KCNU1: variants seen among roughly 807,000 people sequenced by gnomAD.
KCNU1 encodes the protein potassium calcium-activated channel subfamily U member 1.
A neutral mutation model predicts 126.8 loss-of-function variants in KCNU1; 93 were observed. The observed-to-expected ratio is 0.73, with a 90% CI of 0.62 to 0.87. The LOEUF (loss-of-function observed/expected upper bound fraction) is 0.87. Ranked by LOEUF, KCNU1 falls within the 40% of genes least tolerant of loss-of-function variation. The probability of loss-of-function intolerance (pLI) is 0.00; values close to 1 mark genes in which losing one functional copy is unlikely to be tolerated. For synonymous variants in KCNU1, 523 were observed against 494.2 expected, an observed-to-expected ratio of 1.06 and a Z score of -0.77; for missense variants, 1,330 against 1,367.1, an observed-to-expected ratio of 0.97 and a Z score of 0.43.
chr8:36,791,242 T>A (rs1292874426), intron 2 of KCNU1, among the ~76,000 whole-genome samples: 1 of 152,188 alleles, frequency 6.6e-6, no homozygotes, highest in Non-Finnish European at 1.5e-5. Flanking sequence ...AAAAATTTTC[T>A]TCTAAATTTA....
intron 10 of KCNU1, among the ~76,000 whole-genome samples, chr8:36,826,619 C>G (rs1302537566): frequency 1.3e-5 from 2 of 152,134 alleles, no homozygotes; most frequent in Non-Finnish European, 2.9e-5. Flanking sequence ...AACCTTAGCT[C>G]TTTTTATGTG....
intron 26 of KCNU1, among the ~76,000 whole-genome samples, chr8:36,933,613 C>T (rs767414564): frequency 2.0e-5 from 3 of 151,892 alleles, no homozygotes; most frequent in Non-Finnish European, 4.4e-5. Context: ...AGACTAAGAT[C>T]CTCACAGTGG....
intron 22 of KCNU1, among the ~76,000 whole-genome samples, chr8:36,911,491 C>T (rs1326188448): frequency 2.0e-5 from 3 of 152,136 alleles, no homozygotes; most frequent in Non-Finnish European, 2.9e-5. Flanking sequence ...ATGAAATTCT[C>T]ATTGGATCTT....
chr8:36,815,771 TTAGCTG>T (rs1803888166), intron 9 of KCNU1, 84 bp downstream of exon 9: 1 of 781,784 alleles, frequency 1.3e-6, no homozygotes, highest in Admixed American at 2.9e-5. Context: ...ATTGTCTGGC[TTAGCTG>T]TAGAACCCAA....
intron 22 of KCNU1, among the ~76,000 whole-genome samples, chr8:36,918,369 C>T (rs1348783065): frequency 1.3e-5 from 2 of 151,868 alleles, no homozygotes; most frequent in Non-Finnish European, 2.9e-5. Context: ...TAGCAAGACC[C>T]CATCTCTGCA....
intron 12 of KCNU1, 41 bp downstream of exon 12, chr8:36,834,909 T>C (rs767528906): frequency 7.4e-7 from 1 of 1,343,094 alleles, no homozygotes; most frequent in Non-Finnish European, 1.1e-6. Flanking sequence ...ATTATTTTTT[T>C]CTATCTCTTT....
chr8:36,895,847 C>T (rs986144908), intron 19 of KCNU1, among the ~76,000 whole-genome samples: 3 of 151,968 alleles, frequency 2.0e-5, no homozygotes, highest in Non-Finnish European at 4.4e-5. Context: ...TAATGACATA[C>T]TAAAAGGCAA....
Position 36,882,054 on chromosome 8 carries a change from C to T in KCNU1, c.2009+17533C>T, listed in dbSNP as rs1806504290. ...TACCTTACTAGGAGCGATTTGCAGA[C>T]AGTCATCTACAGCCTCTCCAAAAAG... On this transcript the variant is annotated intron_variant, in intron 19 of 26. Coordinates refer to ENST00000399881, the MANE Select transcript of KCNU1 (RefSeq NM_001031836.3). Among the ~76,000 whole-genome samples, 4 of 152,212 alleles carry T rather than the reference C, an allele frequency of 2.6e-5. No individual in the cohort carries two copies. In the South Asian group the frequency reaches 8.3e-4, roughly 31 times the overall value.
chr8:36,876,202 T>C (rs537150541), intron 19 of KCNU1, among the ~76,000 whole-genome samples: 1 of 152,274 alleles, frequency 6.6e-6, no homozygotes, highest in East Asian at 1.9e-4. Context: ...GGACAAGTTC[T>C]GAGCTGAGCA....
chr8:36,839,065 T>G (rs2130569428), intron 14 of KCNU1, among the ~76,000 whole-genome samples: 1 of 152,340 alleles, frequency 6.6e-6, no homozygotes, highest in South Asian at 2.1e-4. Context: ...ATCTCATAAC[T>G]GGCTTTTTCC....
At chr8:36,868,019 G>T (rs1002511134) in intron 19 of KCNU1, among the ~76,000 whole-genome samples, 4 of 152,128 alleles carry the variant, frequency 2.6e-5, no homozygotes, top group African/African-American at 9.7e-5. Context: ...AATCAAGGTA[G>T]GTTTGCATGA....
intron 19 of KCNU1, among the ~76,000 whole-genome samples, chr8:36,875,561 T>A (rs1362943953): frequency 6.6e-6 from 1 of 151,880 alleles, no homozygotes; most frequent in African/African-American, 2.4e-5. Context: ...GGCCTTTTAA[T>A]CCAGTGATAG....
At chr8:36,905,652 T>G in intron 19 of KCNU1, 56 bp from the exon 20 acceptor site, 1 of 935,224 alleles carries the variant, frequency 1.1e-6, no homozygotes, top group South Asian at 1.3e-5. Context: ...CATCTCGGCT[T>G]TGTTACAGAG....
intron 22 of KCNU1, among the ~76,000 whole-genome samples, chr8:36,914,393 A>G (rs1168750647): frequency 2.0e-5 from 3 of 152,208 alleles, no homozygotes; most frequent in South Asian, 4.1e-4. Context: ...ACGTCTTTCA[A>G]TACACAGGAC....
At chr8:36,883,313 CTG>C (rs1450838574) in intron 19 of KCNU1, among the ~76,000 whole-genome samples, 3 of 152,194 alleles carry the variant, frequency 2.0e-5, no homozygotes, top group African/African-American at 7.2e-5. Context: ...CACTTAGTAA[CTG>C]GCAGTCATAT....
intron 19 of KCNU1, among the ~76,000 whole-genome samples, chr8:36,869,797 T>C (rs1806036840): frequency 6.6e-6 from 1 of 152,206 alleles, no homozygotes; most frequent in African/African-American, 2.4e-5. Context: ...CATGCTGTTG[T>C]TGTCATTGTA....
At chr8:36,935,469 T>C (rs1474653490) in intron 26 of KCNU1, 46 bp from the exon 27 acceptor site, 1 of 1,503,156 alleles carries the variant, frequency 6.7e-7, no homozygotes, top group Non-Finnish European at 9.0e-7. Flanking sequence ...GTTGCCACAC[T>C]GGCCAGCTGC....
At chr8:36,803,873 C>G (rs1206587053) in intron 2 of KCNU1, among the ~76,000 whole-genome samples, 154 bp from the exon 3 acceptor site, 1 of 151,874 alleles carries the variant, frequency 6.6e-6, no homozygotes, top group Non-Finnish European at 1.5e-5. Context: ...AATCGATAAA[C>G]AGATGAATGA....
At position 36,845,808 on chromosome 8, in the gene KCNU1, G is replaced by T. The variant is rs1440035212; in HGVS notation, c.1800G>T (p.Leu600Phe). 1 of 1,607,230 alleles carries T rather than the reference G, an allele frequency of 6.2e-7. No individual in the cohort carries two copies. The highest frequency in any genetic ancestry group is 8.5e-7 in the Non-Finnish European group (1 of 1,174,930). Residue 600 changes from leucine (L) to phenylalanine (F), a missense_variant, in exon 18 of 27, where the codon TTG (leucine) becomes TTT (phenylalanine). Physicochemically the swap from Leu to Phe is conservative, Grantham distance 22 (BLOSUM62 0). This residue lies in a region of KCNU1 where 1,054 missense variants were observed against 1,053.9 expected (regional missense o/e 1.00). Coordinates refer to ENST00000399881, the MANE Select transcript of KCNU1 (RefSeq NM_001031836.3). Reference sequence around the variant, plus strand: ...GTTTTCTTTCATTGTCCAGAGCCTTGTTTTACTGTTCAGTCTGTCATGATG... The same window carrying T: ...GTTTTCTTTCATTGTCCAGAGCCTTTTTTTACTGTTCAGTCTGTCATGATG... Reference protein sequence around the residue: ...AETPKDVRRALFYCSVCHDDV... With the variant: ...AETPKDVRRAFFYCSVCHDDV...
Sources: allele counts gnomAD v4.1 joint callset (sites outside exome capture counted in the v4.1 genomes callset), GRCh38; gene constraint gnomAD v4.1.1; regional missense constraint gnomAD v4.1.1; transcripts MANE v1.5; gene names NCBI Gene and HGNC (gene_info 2026-07-23, HGNC 2026-07-21).